IL1RAPL1: variants seen among roughly 807,000 people sequenced by gnomAD.
IL1RAPL1 encodes the protein interleukin-1 receptor accessory protein-like 1.
A neutral mutation model predicts 48.4 loss-of-function variants in IL1RAPL1; 3 were observed. The ratio of observed to expected loss-of-function variants is 0.06; its 90% CI spans 0.03 to 0.16. The LOEUF (loss-of-function observed/expected upper bound fraction) is 0.16. IL1RAPL1 is among the 10% of genes least tolerant of loss of function. The pLI is 1.00. For synonymous variants in IL1RAPL1, 185 were observed against 187.7 expected, an observed-to-expected ratio of 0.99 and a Z score of 0.12; for missense variants, 349 against 530.6, an observed-to-expected ratio of 0.66 and a Z score of 3.36.
intron 1 of IL1RAPL1, among the ~76,000 whole-genome samples, chrX:28,715,756 A>G (rs1402517940): frequency 9.0e-6 from 1 of 111,540 alleles, no homozygotes; most frequent in Non-Finnish European, 1.9e-5. Context: ...CGATGTACAA[A>G]GAAGAGCTGG....
At chrX:29,050,602 G>A (rs1927072496) in intron 2 of IL1RAPL1, among the ~76,000 whole-genome samples, 1 of 112,489 alleles carries the variant, frequency 8.9e-6, no homozygotes, top group Non-Finnish European at 1.9e-5. Context: ...GCTTAGCACA[G>A]TATCTCGGTC....
At chrX:29,391,797 T>G (rs182983434) in intron 3 of IL1RAPL1, among the ~76,000 whole-genome samples, 28 of 111,785 alleles carry the variant, frequency 2.5e-4, no homozygotes, top group African/African-American at 3.6e-4. Flanking sequence ...CCAGCACCAA[T>G]TGCCTCCCCT....
At chrX:29,157,029 A>C (rs1364899399) in intron 2 of IL1RAPL1, among the ~76,000 whole-genome samples, 7 of 111,772 alleles carry the variant, frequency 6.3e-5, no homozygotes, top group Non-Finnish European at 1.3e-4. Flanking sequence ...AGAGTGGAGA[A>C]AAAGATCCTT....
At chrX:29,036,924 T>C (rs1926743770) in intron 2 of IL1RAPL1, among the ~76,000 whole-genome samples, 1 of 112,008 alleles carries the variant, frequency 8.9e-6, no homozygotes, top group Non-Finnish European at 1.9e-5. Context: ...TGAGTTCTGT[T>C]GGGAATATTG....
At chrX:28,687,387 T>C (rs941819629) in intron 1 of IL1RAPL1, among the ~76,000 whole-genome samples, 2 of 112,385 alleles carry the variant, frequency 1.8e-5, no homozygotes, top group Non-Finnish European at 3.8e-5. Flanking sequence ...ATTTGAATAG[T>C]TGAGATTTTA....
intron 2 of IL1RAPL1, among the ~76,000 whole-genome samples, chrX:29,057,802 T>A (rs921681691): frequency 8.9e-6 from 1 of 111,796 alleles, no homozygotes; most frequent in Non-Finnish European, 1.9e-5. Context: ...CAGAATGGCA[T>A]AGATCTGAGT....
intron 5 of IL1RAPL1, among the ~76,000 whole-genome samples, chrX:29,624,058 A>G (rs1331097290): frequency 8.9e-6 from 1 of 112,274 alleles, no homozygotes; most frequent in African/African-American, 3.2e-5. Context: ...TATTTATCCT[A>G]TCGTTTCTCA....
intron 2 of IL1RAPL1, among the ~76,000 whole-genome samples, chrX:29,226,860 T>C (rs1473274517): frequency 1.8e-5 from 2 of 111,822 alleles, no homozygotes; most frequent in East Asian, 5.5e-4. Context: ...TGAGCTAAAA[T>C]AGAATGGATA....
At chrX:28,607,208 A>G (rs1455838665) in intron 1 of IL1RAPL1, among the ~76,000 whole-genome samples, 4 of 109,634 alleles carry the variant, frequency 3.6e-5, no homozygotes, top group Non-Finnish European at 7.6e-5. Context: ...CTGCATGCCA[A>G]ACCTTGGGTA....
intron 1 of IL1RAPL1, among the ~76,000 whole-genome samples, chrX:28,762,575 A>G (rs1205554069): frequency 2.7e-5 from 3 of 110,615 alleles, no homozygotes; most frequent in Non-Finnish European, 5.7e-5. Context: ...ACATACATAC[A>G]CGGGCACACA....
chrX:29,935,771 A>G (rs1289767471), intron 8 of IL1RAPL1, among the ~76,000 whole-genome samples: 2 of 111,385 alleles, frequency 1.8e-5, no homozygotes, highest in Non-Finnish European at 3.8e-5. Flanking sequence ...GGCTCTAATG[A>G]TGGGTCCTAG....
chrX:28,839,132 A>G (rs1170387742), intron 2 of IL1RAPL1, among the ~76,000 whole-genome samples: 1 of 111,770 alleles, frequency 8.9e-6, no homozygotes, highest in Admixed American at 9.6e-5. Context: ...AACACTTGGA[A>G]TTTTTATATG....
At chrX:28,720,074 T>TTA (rs1476385092) in intron 1 of IL1RAPL1, among the ~76,000 whole-genome samples, 1 of 111,622 alleles carries the variant, frequency 9.0e-6, no homozygotes, top group Non-Finnish European at 1.9e-5. Context: ...ATGCTTTTTC[T>TTA]TACCCCCAAA....
Position 29,802,840 on chromosome X carries a change from TAC to T in IL1RAPL1, c.779-114622_779-114621del, listed in dbSNP as rs200997906. Among the ~76,000 whole-genome samples the T allele has an allele frequency of 5.1e-3, 367 of 71,317 alleles. 19 individuals are homozygous for T. The highest frequency in any genetic ancestry group is 0.018 in the African/African-American group (289 of 16,129). 61.9% of individuals were successfully genotyped at this position (71,317 alleles called of 115,157 possible). On this transcript the variant is annotated intron_variant, in intron 6 of 10. Coordinates refer to ENST00000378993, the MANE Select transcript of IL1RAPL1 (RefSeq NM_014271.4). The stretch of plus-strand genomic sequence containing the variant: ...GTATATATATGTATACATATATGTA[TAC>T]ATATATGTGTATATACGTGTACATA...
At chrX:29,887,231 C>T (rs1214275182) in intron 6 of IL1RAPL1, among the ~76,000 whole-genome samples, 3 of 112,275 alleles carry the variant, frequency 2.7e-5, no homozygotes, top group Admixed American at 1.9e-4. Context: ...ATTGTCTCCT[C>T]AAATCATAGG....
chrX:29,387,247 T>G (rs1933789708), intron 3 of IL1RAPL1, among the ~76,000 whole-genome samples: 1 of 112,290 alleles, frequency 8.9e-6, no homozygotes, highest in African/African-American at 3.2e-5. Context: ...GGTTTGCGTT[T>G]TCATTTTCTC....
At chrX:29,037,411 A>T (rs763590768) in intron 2 of IL1RAPL1, among the ~76,000 whole-genome samples, 1 of 111,572 alleles carries the variant, frequency 9.0e-6, no homozygotes, top group Non-Finnish European at 1.9e-5. Flanking sequence ...CCTCTTGCTT[A>T]ACTGGTTTCT....
chrX:29,721,735 A>G (rs753645578), intron 6 of IL1RAPL1, among the ~76,000 whole-genome samples: 4 of 111,946 alleles, frequency 3.6e-5, no homozygotes, highest in Non-Finnish European at 5.6e-5. Flanking sequence ...GGTATCTCAT[A>G]TGCACATACT....
intron 1 of IL1RAPL1, among the ~76,000 whole-genome samples, chrX:28,721,177 C>A (rs1181098947): frequency 1.8e-5 from 2 of 112,047 alleles, no homozygotes; most frequent in African/African-American, 6.5e-5. Flanking sequence ...CACACTGCTT[C>A]CACAATGGTT....
Sources: allele counts gnomAD v4.1 joint callset (sites outside exome capture counted in the v4.1 genomes callset), GRCh38; gene constraint gnomAD v4.1.1; transcripts MANE v1.5; gene names NCBI Gene and HGNC (gene_info 2026-07-23, HGNC 2026-07-21).